Variants in SDC3 observed in about 807,000 individuals in gnomAD.
SDC3 encodes the protein syndecan 3, also known as syndecan-3.
SDC3 carries 13 observed loss-of-function variants against 24.4 expected under a neutral mutation model. The ratio of observed to expected loss-of-function variants is 0.53; its 90% CI spans 0.35 to 0.85. The LOEUF (loss-of-function observed/expected upper bound fraction) is 0.85, where lower values mean the gene tolerates loss of function less well. Ranked by LOEUF, SDC3 falls within the 40% of genes least tolerant of loss-of-function variation. SDC3 has a pLI of 0.01. For missense variants in SDC3, 571 were observed against 584.5 expected (o/e 0.98, Z 0.24); for synonymous variants, 295 against 260.9 (o/e 1.13, Z -1.26).
chr1:30,878,591 C>T, intron 2 of SDC3, 32 bp downstream of exon 2: 1 of 1,568,896 alleles, frequency 6.4e-7, no homozygotes, highest in African/African-American at 1.3e-5. Flanking sequence ...TGGTCACTGC[C>T]CCCAGGCAGA....
chr1:30,877,240 A>G (rs1216246049), intron 2 of SDC3, 75 bp from the exon 3 acceptor site: 1 of 1,584,460 alleles, frequency 6.3e-7, no homozygotes, highest in South Asian at 1.1e-5. Flanking sequence ...CAGGTAAGCA[A>G]TGGCCATCAA....
At chr1:30,901,444 A>C (rs1308743849) in intron 1 of SDC3, among the ~76,000 whole-genome samples, 2 of 152,246 alleles carry the variant, frequency 1.3e-5, no homozygotes, top group African/African-American at 4.8e-5. Flanking sequence ...CCTGGGCTCA[A>C]GCTGCAAATA....
Position 30,873,114 on chromosome 1 carries a change from A to T in SDC3, c.*97T>A. On this transcript the variant is annotated 3_prime_UTR_variant, in exon 5 of 5. Transcript: ENST00000339394. The stretch of plus-strand genomic sequence containing the variant: ...GAGAGGGCAGAGAAGAACTGGGGCC[A>T]GGTTCCAGGCCCAGTCCCAGGCTTG... 1 of 859,372 alleles carries T rather than the reference A, an allele frequency of 1.2e-6. No homozygotes were observed. The highest frequency in any genetic ancestry group is 1.9e-6 in the Non-Finnish European group (1 of 519,736). The allele number at this position is 859,372 out of a possible 1,614,324, so 53.2% of individuals were successfully genotyped here. A position where few individuals can be genotyped will look rare whatever the true frequency, so the allele number is the denominator to read the frequency against.
chr1:30,905,871 A>AACAC (rs71813597), intron 1 of SDC3, among the ~76,000 whole-genome samples: 1,531 of 148,442 alleles, frequency 0.01, 10 homozygotes, highest in Middle Eastern at 0.035. Context: ...CAGACACACA[A>AACAC]ACACACACAC....
chr1:30,898,201 C>T (rs1363006542), intron 1 of SDC3, among the ~76,000 whole-genome samples: 7 of 152,186 alleles, frequency 4.6e-5, no homozygotes, highest in Admixed American at 3.9e-4. Flanking sequence ...CCAAGGGAGG[C>T]GTGTTCCCCT....
upstream of SDC3, among the ~76,000 whole-genome samples, chr1:30,909,671 T>A (rs1172247639): frequency 6.6e-6 from 1 of 152,190 alleles, no homozygotes; most frequent in Non-Finnish European, 1.5e-5. Flanking sequence ...TTTGTGTCTG[T>A]CTTGTTCACT....
rs59392837 is a variant in SDC3 at position 30,893,303 on chromosome 1, GCCCCC to G, written c.139-14568_139-14564del. On this transcript the variant is annotated intron_variant, in intron 1 of 4. Coordinates refer to ENST00000339394, the MANE Select transcript of SDC3 (RefSeq NM_014654.4). The stretch of plus-strand genomic sequence containing the variant: ...TCCATACCCACCCCACCCACCAGGA[GCCCCC>G]CCCCCCCCCACCATGTCTCATGACC... Among the ~76,000 whole-genome samples, 30 of 13,520 alleles carry G rather than the reference GCCCCC, an allele frequency of 2.2e-3. 2 individuals carry two copies. The highest frequency in any genetic ancestry group is 1.7e-3 in the Non-Finnish European group (12 of 7,058). The allele number at this position is 13,520 out of a possible 152,430, so 8.9% of individuals were successfully genotyped here. A position where few individuals can be genotyped will look rare whatever the true frequency, so the allele number is the denominator to read the frequency against.
rs576408039 is a variant in SDC3 at position 30,902,664 on chromosome 1, A to G, written c.138+5785T>C. On this transcript the variant is annotated intron_variant, in intron 1 of 4. Transcript: ENST00000339394. ...CTGGCTCTGGCCACCCTGTCCCTTG[A>G]GACACAAAATCAAAGGGCTCCAAGC... Among the ~76,000 whole-genome samples, 7 of 152,256 alleles carry G rather than the reference A, an allele frequency of 4.6e-5. No individual in the cohort carries two copies. In the East Asian group the frequency reaches 1.4e-3, roughly 29 times the overall value.
intron 1 of SDC3, among the ~76,000 whole-genome samples, chr1:30,888,130 G>A (rs556518354): frequency 1.2e-4 from 19 of 152,338 alleles, no homozygotes; most frequent in South Asian, 8.3e-4. Flanking sequence ...ACTAAGCACT[G>A]GACTCTACCT....
chr1:30,903,908 G>A (rs1638463542), intron 1 of SDC3, among the ~76,000 whole-genome samples: 1 of 151,972 alleles, frequency 6.6e-6, no homozygotes, highest in South Asian at 2.1e-4. Flanking sequence ...GCCTCTCTGT[G>A]CCTCAGTTTT....
intron 1 of SDC3, among the ~76,000 whole-genome samples, chr1:30,892,446 T>A (rs201003120): frequency 9.9e-6 from 1 of 101,492 alleles, no homozygotes; most frequent in Admixed American, 8.4e-5. Flanking sequence ...CCCCAGGGAA[T>A]GAATGAATGA....
At chr1:30,893,731 C>T (rs2124333737) in intron 1 of SDC3, among the ~76,000 whole-genome samples, 1 of 152,250 alleles carries the variant, frequency 6.6e-6, no homozygotes, top group African/African-American at 2.4e-5. Context: ...AGGGTTTCCC[C>T]AGGCAGGTGG....
intron 1 of SDC3, among the ~76,000 whole-genome samples, chr1:30,894,212 T>C (rs1385486713): frequency 6.7e-6 from 1 of 148,392 alleles, no homozygotes; most frequent in African/African-American, 2.5e-5. Context: ...CATGAGAGTG[T>C]GTGTGTGAGT....
Position 30,874,535 on chromosome 1 carries a change from C to T in SDC3, c.924G>A (p.Pro308=), listed in dbSNP as rs143729111. The T allele has an allele frequency of 8.1e-6, 13 of 1,614,032 alleles. No individual in the cohort carries two copies. The highest frequency in any genetic ancestry group is 2.2e-5 in the East Asian group (1 of 44,892). Residue 308 remains proline (P), a synonymous_variant, in exon 4 of 5, where the codon CCG becomes CCA. Coordinates refer to ENST00000339394, the MANE Select transcript of SDC3 (RefSeq NM_014654.4). ...AGTCTCCACTGGGCCCCCCACTCACCGGAACCTCTGGCTCATCCCGGATTG... is the reference window on the plus strand; with the variant it reads ...AGTCTCCACTGGGCCCCCCACTCACTGGAACCTCTGGCTCATCCCGGATTG... The part of the protein sequence containing the change: ...LTTIRDEPEV[P]VSGGPSGDFE...
At position 30,897,032 on chromosome 1, in the gene SDC3, G is replaced by A. The variant is rs138022217; in HGVS notation, c.138+11417C>T. Among the ~76,000 whole-genome samples, 17 of 152,286 alleles carry A rather than the reference G, an allele frequency of 1.1e-4. No homozygotes were observed. The South Asian group carries it at 1.9e-3, about 17-fold the overall frequency. On this transcript the variant is annotated intron_variant, in intron 1 of 4. Coordinates refer to ENST00000339394, the MANE Select transcript of SDC3 (RefSeq NM_014654.4). ...GGAGAAGTGCATTGAAGGCACTGAC[G>A]GGAATTAATTTGGCATAGGAAATAT...
upstream of SDC3, among the ~76,000 whole-genome samples, chr1:30,909,231 A>G (rs1030134518): frequency 1.6e-4 from 25 of 152,186 alleles, no homozygotes; most frequent in African/African-American, 6.0e-4. Flanking sequence ...GTCATCCAAG[A>G]CCACGGGCTT....
chr1:30,899,259 G>A (rs1638354264), intron 1 of SDC3, among the ~76,000 whole-genome samples: 1 of 152,148 alleles, frequency 6.6e-6, no homozygotes, highest in Non-Finnish European at 1.5e-5. Context: ...GCTAATTTTT[G>A]TATTTTTAGT....
intron 1 of SDC3, among the ~76,000 whole-genome samples, chr1:30,879,573 G>A (rs890708418): frequency 3.3e-5 from 5 of 152,074 alleles, no homozygotes; most frequent in Non-Finnish European, 7.4e-5. Context: ...CAGCCAACCT[G>A]GAGTCCCTGC....
rs192829589 is a variant in SDC3 at position 30,905,181 on chromosome 1, G to A, written c.138+3268C>T. Among the ~76,000 whole-genome samples the A allele has an allele frequency of 3.5e-3, 527 of 152,202 alleles. 4 individuals carry two copies. Among genetic ancestry groups the A allele is most frequent in the African/African-American group, 0.012 (507 of 41,520 alleles). On this transcript the variant is annotated intron_variant, in intron 1 of 4. Coordinates refer to ENST00000339394, the MANE Select transcript of SDC3 (RefSeq NM_014654.4). ...GACTATCTCATCCTGGAAACCCAAG[G>A]CTCACAGTCACCCAGGGGAGCCTGG...
Sources: gnomAD v4.1 joint callset for allele counts (sites outside exome capture counted in the v4.1 genomes callset) on GRCh38, gnomAD v4.1.1 for gene constraint, MANE v1.5 for transcripts, NCBI Gene and HGNC (gene_info 2026-07-23, HGNC 2026-07-21) for gene names.